The following RAB6A variants were observed in gnomAD, a reference collection of about 807,000 sequenced individuals.
RAB6A encodes the protein ras-related protein Rab-6A.
Under a neutral mutation model 32.3 loss-of-function variants are expected in RAB6A, and 8 were observed. The ratio of observed to expected loss-of-function variants is 0.25; its 90% confidence interval spans 0.15 to 0.45. The LOEUF is 0.45. Among genes scored for constraint, RAB6A ranks in the 20% least tolerant of loss-of-function variants. RAB6A has a pLI of 1.00. For missense variants in RAB6A, 104 were observed against 249.4 expected (o/e 0.42, Z 3.93); for synonymous variants, 73 against 82.1 (o/e 0.89, Z 0.60).
intron 5 of RAB6A, among the ~76,000 whole-genome samples, chr11:73,710,893 T>A (rs1039245814): frequency 6.6e-5 from 10 of 152,086 alleles, no homozygotes; most frequent in Non-Finnish European, 1.0e-4. Flanking sequence ...GAGGTGTAAG[T>A]CACCATGCCT....
At chr11:73,720,787 G>A in intron 3 of RAB6A, 59 bp downstream of exon 3, 4 of 1,257,166 alleles carry the variant, frequency 3.2e-6, no homozygotes, top group Non-Finnish European at 4.6e-6. Flanking sequence ...TGATAACTTT[G>A]ATTGCAGTTT....
intron 6 of RAB6A, among the ~76,000 whole-genome samples, chr11:73,680,663 G>A (rs573167627): frequency 3.9e-5 from 6 of 152,124 alleles, no homozygotes; most frequent in East Asian, 1.9e-4. Flanking sequence ...GCGGGGGTGT[G>A]GGGGGGAGAG....
Position 73,738,952 on chromosome 11 carries a change from A to T in RAB6A, c.71-8129T>A, listed in dbSNP as rs1405102621. On this transcript the variant is annotated intron_variant, in intron 1 of 7. Transcript: ENST00000336083. The stretch of plus-strand genomic sequence containing the variant: ...GAGTGAGACTCCTGTCTCAAAAAAC[A>T]AAACTAAACTAAACTAAACTAAACT... Among the ~76,000 whole-genome samples, 7 of 151,536 alleles carry T rather than the reference A, an allele frequency of 4.6e-5. 1 individual carries two copies. Among genetic ancestry groups the T allele is most frequent in the South Asian group, 4.2e-4 (2 of 4,800 alleles).
In RAB6A at chr11:73,758,642, ATACT is replaced by A. The variant is rs150934864; in HGVS notation, c.70+1920_70+1923del. ...CAAGAAATTCAAAGGAAACCTGAAG[ATACT>A]TAGGAAGTTAAGCACTCCATTCATG... On this transcript the variant is annotated intron_variant, in intron 1 of 7. Transcript: ENST00000336083. Among the ~76,000 whole-genome samples, 1,386 of 152,338 alleles carry A rather than the reference ATACT, an allele frequency of 9.1e-3. 15 individuals are homozygous for A. The highest frequency in any genetic ancestry group is 0.034 in the Middle Eastern group (10 of 294).
At chr11:73,688,565 GA>G (rs2134877439) in intron 6 of RAB6A, among the ~76,000 whole-genome samples, 1 of 152,240 alleles carries the variant, frequency 6.6e-6, no homozygotes, top group South Asian at 2.1e-4. Flanking sequence ...TCTATATCTT[GA>G]ACTCTTAAGA....
chr11:73,704,176 G>A, intron 6 of RAB6A: 1 of 430,912 alleles, frequency 2.3e-6, no homozygotes, highest in Non-Finnish European at 4.7e-6. Context: ...GAGTCTAGGA[G>A]TTCAAGACTA....
intron 1 of RAB6A, among the ~76,000 whole-genome samples, chr11:73,743,120 A>G (rs1946525431): frequency 6.6e-6 from 1 of 151,968 alleles, no homozygotes; most frequent in African/African-American, 2.4e-5. Flanking sequence ...GCATAGTGAA[A>G]CCCCATCTCT....
rs980084375 is a variant in RAB6A, at chr11:73,726,869, T to C, written c.129+3896A>G. ...TGAACCACCGGAGTAGAAACTATTA[T>C]AGTAAAAGTACCTGAATAAAAAAAT... On this transcript the variant is annotated intron_variant, in intron 2 of 7. Transcript: ENST00000336083. Among the ~76,000 whole-genome samples the C allele has an allele frequency of 7.2e-5, 11 of 152,144 alleles. No homozygotes were observed. In the South Asian group the frequency reaches 1.9e-3, roughly 26 times the overall value.
chr11:73,709,872 TATAC>T (rs942312931), intron 5 of RAB6A, among the ~76,000 whole-genome samples: 14 of 130,974 alleles, frequency 1.1e-4, no homozygotes, highest in Admixed American at 8.1e-4. Flanking sequence ...TATATACACA[TATAC>T]ATACATATAT....
intron 3 of RAB6A, 191 bp from the exon 4 acceptor site, chr11:73,718,909 T>TAA (rs773562559): frequency 2.9e-6 from 4 of 1,362,068 alleles, no homozygotes; most frequent in Non-Finnish European, 3.8e-6. Context: ...TGGGAAAAAA[T>TAA]AAATAAAAAA....
At chr11:73,726,880 C>A (rs1946232074) in intron 2 of RAB6A, among the ~76,000 whole-genome samples, 1 of 151,398 alleles carries the variant, frequency 6.6e-6, no homozygotes, top group South Asian at 2.1e-4. Context: ...AGTAAAAGTA[C>A]CTGAATAAAA....
intron 2 of RAB6A, among the ~76,000 whole-genome samples, chr11:73,728,209 G>T (rs115919571): frequency 1.3e-5 from 2 of 152,090 alleles, no homozygotes; most frequent in Non-Finnish European, 2.9e-5. Context: ...TGTGTAGGTT[G>T]TGAGGGCAGA....
chr11:73,709,470 T>TTAC (rs1555058156), intron 5 of RAB6A, among the ~76,000 whole-genome samples: 1 of 146,756 alleles, frequency 6.8e-6, no homozygotes, highest in Non-Finnish European at 1.5e-5. Context: ...ATTACTATTA[T>TTAC]TATTATGACT....
intron 6 of RAB6A, among the ~76,000 whole-genome samples, chr11:73,685,284 G>GTTT (rs1945426000): frequency 5.7e-5 from 7 of 123,308 alleles, no homozygotes; most frequent in East Asian, 2.5e-4. Context: ...TATATAGAAA[G>GTTT]TCTTTTTTTT....
chr11:73,680,097 T>TTAAA (rs953100632), intron 6 of RAB6A, among the ~76,000 whole-genome samples: 55 of 152,022 alleles, frequency 3.6e-4, no homozygotes, highest in South Asian at 6.2e-4. Context: ...GACTCTGTCT[T>TTAAA]TAAATAAATA....
intron 6 of RAB6A, among the ~76,000 whole-genome samples, chr11:73,694,933 T>C (rs1945633082): frequency 1.3e-5 from 2 of 152,142 alleles, no homozygotes; most frequent in South Asian, 4.1e-4. Flanking sequence ...CGAGAATCGC[T>C]TGAACCCAGG....
intron 1 of RAB6A, among the ~76,000 whole-genome samples, chr11:73,743,319 A>G (rs892117372): frequency 2.6e-5 from 4 of 151,862 alleles, no homozygotes; most frequent in African/African-American, 9.7e-5. Context: ...AAAAAAAAAA[A>G]AAGAGAAAAA....
At chr11:73,685,509 G>C (rs753858887) in intron 6 of RAB6A, among the ~76,000 whole-genome samples, 2 of 149,344 alleles carry the variant, frequency 1.3e-5, no homozygotes, top group African/African-American at 5.0e-5. Flanking sequence ...GGATGGTCTC[G>C]ATCTCCTGAG....
At chr11:73,754,105 A>G (rs910817596) in intron 1 of RAB6A, among the ~76,000 whole-genome samples, 2 of 152,234 alleles carry the variant, frequency 1.3e-5, no homozygotes, top group African/African-American at 2.4e-5. Flanking sequence ...GCATAAAGAC[A>G]TGTTGAGTAA....
Sources: gnomAD v4.1 joint callset for allele counts (sites outside exome capture counted in the v4.1 genomes callset) on GRCh38, gnomAD v4.1.1 for gene constraint, MANE v1.5 for transcripts, NCBI Gene and HGNC (gene_info 2026-07-23, HGNC 2026-07-21) for gene names.